Variants in MAP4K4 observed in about 807,000 individuals in gnomAD.
MAP4K4 encodes HPK/GCK-like kinase HGK.
In MAP4K4, 38 loss-of-function variants were observed where a neutral mutation model predicts 189.6. The ratio of observed to expected loss-of-function variants is 0.20; its 90% CI spans 0.15 to 0.26. The LOEUF is 0.26. Among genes scored for constraint, MAP4K4 ranks in the 10% least tolerant of loss-of-function variants. The pLI is 1.00. For synonymous variants in MAP4K4, 610 were observed against 624.3 expected (o/e 0.98, Z 0.34); for missense variants, 1,054 against 1,726.9 (o/e 0.61, Z 6.91).
At chr2:101,763,622 T>A (rs879361563) in intron 2 of MAP4K4, among the ~76,000 whole-genome samples, 1 of 152,198 alleles carries the variant, frequency 6.6e-6, no homozygotes, top group Non-Finnish European at 1.5e-5. Flanking sequence ...AGCAACAATT[T>A]CCAGAAGGTT....
At chr2:101,851,449 G>A (rs964069231) in intron 12 of MAP4K4, among the ~76,000 whole-genome samples, 1 of 152,130 alleles carries the variant, frequency 6.6e-6, no homozygotes, top group Non-Finnish European at 1.5e-5. Context: ...AGTACAGACT[G>A]ATGTTATTTT....
At chr2:101,817,082 T>C (rs1352212491) in intron 3 of MAP4K4, among the ~76,000 whole-genome samples, 1 of 152,008 alleles carries the variant, frequency 6.6e-6, no homozygotes, top group Non-Finnish European at 1.5e-5. Flanking sequence ...TAATATTTGG[T>C]AGCATTTCTC....
At chr2:101,848,160 C>T (rs1443027145) in intron 12 of MAP4K4, among the ~76,000 whole-genome samples, 3 of 152,214 alleles carry the variant, frequency 2.0e-5, no homozygotes, top group South Asian at 2.1e-4. Context: ...GAACATATCC[C>T]TGTTGTTAAG....
Position 101,759,142 on chromosome 2 carries a change from G to GAA in MAP4K4, c.124-31567_124-31566dup, listed in dbSNP as rs11424551. ...AGCAAGACTCCATCTCAAAAAAAAA[G>GAA]AAAAAAAAAAAAGAAGGGTTGCCAT... On this transcript the variant is annotated intron_variant, in intron 2 of 32. Coordinates refer to ENST00000324219, the Ensembl canonical transcript of MAP4K4. Among the ~76,000 whole-genome samples the GAA allele has an allele frequency of 1.9e-3, 274 of 142,812 alleles. 1 individual carries two copies. The highest frequency in any genetic ancestry group is 0.014 in the South Asian group (64 of 4,486). 93.7% of individuals were successfully genotyped at this position (142,812 alleles called of 152,430 possible).
At chr2:101,723,838 G>A (rs757106103) in intron 2 of MAP4K4, among the ~76,000 whole-genome samples, 4 of 152,106 alleles carry the variant, frequency 2.6e-5, no homozygotes, top group Admixed American at 6.6e-5. Context: ...TTCTTGTTTC[G>A]GTTCGGGAAA....
chr2:101,851,428 A>T (rs1275869789), intron 12 of MAP4K4, among the ~76,000 whole-genome samples: 1 of 152,204 alleles, frequency 6.6e-6, no homozygotes, highest in East Asian at 1.9e-4. Flanking sequence ...AATCATAGGC[A>T]TAAGGTTAAC....
chr2:101,778,842 C>T (rs767548184), intron 2 of MAP4K4, among the ~76,000 whole-genome samples: 8 of 152,034 alleles, frequency 5.3e-5, no homozygotes, highest in East Asian at 1.9e-4. Flanking sequence ...TCTCTGTGGC[C>T]GGTAAGGAAA....
intron 2 of MAP4K4, among the ~76,000 whole-genome samples, chr2:101,743,101 C>G (rs552449780): frequency 1.3e-5 from 2 of 152,218 alleles, no homozygotes; most frequent in South Asian, 4.1e-4. Context: ...ACTCAGTTTT[C>G]CCCATGAAAG....
intron 10 of MAP4K4, 47 bp from the exon 11 acceptor site, chr2:101,842,562 G>T: frequency 7.1e-7 from 1 of 1,399,436 alleles, no homozygotes; most frequent in South Asian, 1.3e-5. Context: ...ACAGGCGTGT[G>T]TCAGGACTTG....
At chr2:101,883,761 A>T (rs1390242124) in intron 28 of MAP4K4, among the ~76,000 whole-genome samples, 1 of 151,568 alleles carries the variant, frequency 6.6e-6, no homozygotes, top group African/African-American at 2.4e-5. Context: ...GTTCCGAGGG[A>T]TGTTGTCATG....
At chr2:101,804,365 G>T (rs2094695116) in intron 3 of MAP4K4, among the ~76,000 whole-genome samples, 2 of 152,184 alleles carry the variant, frequency 1.3e-5, no homozygotes, top group Admixed American at 6.5e-5. Context: ...TCATGGTGGG[G>T]TGAAAGAATT....
intron 2 of MAP4K4, among the ~76,000 whole-genome samples, chr2:101,712,864 C>G (rs942419159): frequency 1.3e-5 from 2 of 149,188 alleles, no homozygotes; most frequent in African/African-American, 4.9e-5. Context: ...CTTTGAACTT[C>G]AAGGGTTGAT....
chr2:101,811,589 G>C (rs2095434069), intron 3 of MAP4K4, among the ~76,000 whole-genome samples: 1 of 151,932 alleles, frequency 6.6e-6, no homozygotes, highest in Non-Finnish European at 1.5e-5. Context: ...TGCTCTGCCT[G>C]CCTCTGTATC....
At chr2:101,739,590 A>G (rs2061760250) in intron 2 of MAP4K4, among the ~76,000 whole-genome samples, 1 of 152,204 alleles carries the variant, frequency 6.6e-6, no homozygotes, top group Non-Finnish European at 1.5e-5. Context: ...ACTAGGGCTT[A>G]TTGGATATAT....
intron 2 of MAP4K4, among the ~76,000 whole-genome samples, chr2:101,738,332 G>A (rs2061311207): frequency 6.6e-6 from 1 of 152,118 alleles, no homozygotes; most frequent in African/African-American, 2.4e-5. Context: ...GAACATTAGG[G>A]CCAACCTGAG....
At chr2:101,788,468 A>G (rs1001182084) in intron 2 of MAP4K4, among the ~76,000 whole-genome samples, 1 of 152,236 alleles carries the variant, frequency 6.6e-6, no homozygotes, top group African/African-American at 2.4e-5. Flanking sequence ...GGACAAGGAA[A>G]GAGAGCTCAA....
intron 3 of MAP4K4, among the ~76,000 whole-genome samples, chr2:101,804,963 A>C: frequency 6.7e-6 from 1 of 149,812 alleles, no homozygotes; most frequent in Non-Finnish European, 1.5e-5. Context: ...AATCCCAGCT[A>C]CTCGGGAGGC....
At chr2:101,835,602 A>G (rs2096727110) in intron 8 of MAP4K4, among the ~76,000 whole-genome samples, 1 of 152,216 alleles carries the variant, frequency 6.6e-6, no homozygotes, top group African/African-American at 2.4e-5. Context: ...TTGTAATCTA[A>G]CAGATAGTTT....
chr2:101,762,410 T>C (rs781098369), intron 2 of MAP4K4, among the ~76,000 whole-genome samples: 2 of 152,190 alleles, frequency 1.3e-5, no homozygotes, highest in Non-Finnish European at 2.9e-5. Context: ...AGATTTTTCC[T>C]TGCAGTGACT....
Sources: gnomAD v4.1 joint callset for allele counts (sites outside exome capture counted in the v4.1 genomes callset) on GRCh38, gnomAD v4.1.1 for gene constraint, MANE v1.5 for transcripts, NCBI Gene and HGNC (gene_info 2026-07-23, HGNC 2026-07-21) for gene names.